The following LAMB3 variants were observed in gnomAD, a reference collection of about 807,000 sequenced individuals.
The protein encoded by LAMB3 is laminin subunit beta-3.
A neutral mutation model predicts 140.3 loss-of-function variants in LAMB3; 104 were observed. That is an observed-to-expected ratio of 0.74 (90% CI 0.63 to 0.87). The LOEUF is 0.87. LAMB3 is among the 40% of genes least tolerant of loss of function. The pLI, the probability that LAMB3 is intolerant of heterozygous loss-of-function variation, is 0.00. For missense variants in LAMB3, 1,531 were observed against 1,575.2 expected (o/e 0.97, Z 0.47); for synonymous variants, 592 against 602.9 (o/e 0.98, Z 0.26).
At position 209,623,840 on chromosome 1, in the gene LAMB3, C is replaced by T; in HGVS notation, c.2137G>A (p.Gly713Arg). 1 of 1,614,226 alleles carries T rather than the reference C, an allele frequency of 6.2e-7. No homozygotes were observed. The change falls in exon 15 of 23, where the codon GGA becomes AGA. Residue 713 changes from glycine (G) to arginine (R), a missense_variant and splice_region_variant. By Grantham distance (125) the Gly-to-Arg change is moderately radical. Coordinates refer to ENST00000356082, the MANE Select transcript of LAMB3 (RefSeq NM_000228.3). The surrounding 1 kb of genome is among the most constrained non-coding windows in gnomAD (Gnocchi z 4.2). Reference protein sequence around the residue: ...FEKISSADPSGAFRMLSTAYE... With the variant: ...FEKISSADPSRAFRMLSTAYE... ...GTTATCCGGGTGCCCCTCTCCTCACCTGAAGGATCAGCACTGCTTATTTTT... is the reference window on the plus strand; with the variant it reads ...GTTATCCGGGTGCCCCTCTCCTCACTTGAAGGATCAGCACTGCTTATTTTT...
At chr1:209,616,766 A>G (rs1417103202) in intron 21 of LAMB3, 142 bp from the exon 22 acceptor site, 9 of 801,946 alleles carry the variant, frequency 1.1e-5, no homozygotes, top group Non-Finnish European at 1.7e-5. Flanking sequence ...GGTTTTGCCT[A>G]TTGAAACCCC....
In LAMB3 at chr1:209,634,753, G is replaced by A. The variant is rs1315715180; in HGVS notation, c.373-115C>T. On this transcript the variant is annotated intron_variant, in intron 5 of 22. Coordinates refer to ENST00000356082, the MANE Select transcript of LAMB3 (RefSeq NM_000228.3). Reference sequence around the variant, plus strand: ...TCGGGAGAAAGGGGGCCCAGTGGGAGCAAGTGGGCTCGGAGCATCCGGGTC... The same window carrying A: ...TCGGGAGAAAGGGGGCCCAGTGGGAACAAGTGGGCTCGGAGCATCCGGGTC... 8.3e-6 allele frequency: 7 copies of A among 840,318 alleles called. No homozygotes were observed. In the East Asian group the frequency reaches 1.3e-4, roughly 16 times the overall value. The allele number at this position is 840,318 out of a possible 1,614,324, so 52.1% of individuals were successfully genotyped here. A position where few individuals can be genotyped will look rare whatever the true frequency, so the allele number is the denominator to read the frequency against.
chr1:209,626,496 G>A (rs995405659), intron 13 of LAMB3, among the ~76,000 whole-genome samples: 27 of 152,158 alleles, frequency 1.8e-4, no homozygotes, highest in Non-Finnish European at 3.8e-4. Flanking sequence ...AACTGACTCC[G>A]TGGGAAACGA....
intron 13 of LAMB3, 130 bp downstream of exon 13, chr1:209,626,737 G>T (rs1666470778): frequency 1.3e-6 from 1 of 742,322 alleles, no homozygotes. Flanking sequence ...TCACAGGGCT[G>T]CCCAGGCCCA....
intron 3 of LAMB3, among the ~76,000 whole-genome samples, chr1:209,640,490 G>A (rs987032233): frequency 2.0e-5 from 3 of 152,018 alleles, no homozygotes; most frequent in African/African-American, 7.2e-5. Context: ...AGAGGTTGCA[G>A]TGAGACGAGA....
At chr1:209,630,237 G>A (rs1666629812) in intron 9 of LAMB3, among the ~76,000 whole-genome samples, 1 of 152,090 alleles carries the variant, frequency 6.6e-6, no homozygotes, top group South Asian at 2.1e-4. Context: ...GCCAACACTG[G>A]TCTCCTCCTG....
At chr1:209,631,620 G>C (rs950863657) in intron 8 of LAMB3, among the ~76,000 whole-genome samples, 1 of 152,176 alleles carries the variant, frequency 6.6e-6, no homozygotes, top group Non-Finnish European at 1.5e-5. Flanking sequence ...TTTTAAAAGT[G>C]GTGATTCCAC....
Position 209,632,695 on chromosome 1 carries a change from G to A in LAMB3, c.710C>T (p.Ala237Val), listed in dbSNP as rs1247717323. The A allele has an allele frequency of 1.9e-6, 3 of 1,614,232 alleles. No individual in the cohort carries two copies. Among genetic ancestry groups the A allele is most frequent in the Non-Finnish European group, 2.5e-6 (3 of 1,180,026 alleles). Residue 237 changes from alanine (A) to valine (V), a missense_variant, in exon 8 of 23, where the codon GCC (alanine) becomes GTC (valine). Transcript: ENST00000356082. ...VPQRGYHPPS[A>V]YYAVSQLRLQ... Reference sequence around the variant, plus strand: ...ACGGAGCTGGGACACAGCATAGTAGGCGCTGGGAGGGTGGTAGCCCCTTTG... The same window carrying A: ...ACGGAGCTGGGACACAGCATAGTAGACGCTGGGAGGGTGGTAGCCCCTTTG...
At chr1:209,639,013 G>C (rs2076438561) in intron 3 of LAMB3, among the ~76,000 whole-genome samples, 1 of 151,530 alleles carries the variant, frequency 6.6e-6, no homozygotes, top group Middle Eastern at 3.5e-3. Flanking sequence ...CATATTATTT[G>C]AGCATCTACG....
intron 3 of LAMB3, among the ~76,000 whole-genome samples, chr1:209,641,917 C>T (rs1425819370): frequency 2.6e-5 from 4 of 152,302 alleles, no homozygotes; most frequent in Admixed American, 2.6e-4. Context: ...CTGCACTCAG[C>T]ACATGTCCTG....
In LAMB3 at chr1:209,623,925, A is replaced by G; in HGVS notation, c.2052T>C (p.Ser684=). The G allele has an allele frequency of 6.2e-7, 1 of 1,613,440 alleles. No individual in the cohort carries two copies. Among genetic ancestry groups the G allele is most frequent in the African/African-American group, 1.3e-5 (1 of 74,780 alleles). The change falls in exon 15 of 23, where the codon AGT becomes AGC. Residue 684 remains serine (S), a synonymous_variant. Transcript: ENST00000356082. The surrounding 1 kb of genome is among the most constrained non-coding windows in gnomAD (Gnocchi z 4.2). ...ETLSLPRDLE[S]LDRSFNGLLT... is the part of the protein sequence containing the mutation. ...GGAGACCATTGAAGCTTCTGTCAAG[A>G]CTCTCCAGGTCTCTCGGAAGGGACA...
At position 209,616,518 on chromosome 1, in the gene LAMB3, G is replaced by C; in HGVS notation, c.3335C>G (p.Ala1112Gly). 6.2e-7 allele frequency: 1 copy of C among 1,614,108 alleles called. No homozygotes were observed. The highest frequency in any genetic ancestry group is 8.5e-7 in the Non-Finnish European group (1 of 1,180,016). The change falls in exon 22 of 23, where the codon GCA becomes GGA. Residue 1112 changes from alanine (A) to glycine (G), a missense_variant. Ala to Gly is a moderately conservative substitution (Grantham distance 60). Coordinates refer to ENST00000356082, the MANE Select transcript of LAMB3 (RefSeq NM_000228.3). The part of the protein sequence containing the change: ...GARIQSVKTE[A>G]EELFGETMEM... Reference sequence around the variant, plus strand: ...CATGGTCTCCCCAAACAGCTCCTCTGCCTCTGTCTTCACACTCTGGATCCG... The same window carrying C: ...CATGGTCTCCCCAAACAGCTCCTCTCCCTCTGTCTTCACACTCTGGATCCG...
At chr1:209,632,502 G>T in intron 8 of LAMB3, 81 bp downstream of exon 8, 1 of 1,135,888 alleles carries the variant, frequency 8.8e-7, no homozygotes, top group Non-Finnish European at 1.3e-6. Flanking sequence ...TGCCCTTCCT[G>T]CTTTACAGGA....
At chr1:209,618,192 A>C in intron 19 of LAMB3, 144 bp from the exon 20 acceptor site, 1 of 1,090,896 alleles carries the variant, frequency 9.2e-7, no homozygotes, top group Admixed American at 2.0e-5. Flanking sequence ...AGTAGCTTTG[A>C]TGTCCCAGGA....
chr1:209,644,859 G>A (rs1306509807), intron 3 of LAMB3, among the ~76,000 whole-genome samples: 1 of 152,172 alleles, frequency 6.6e-6, no homozygotes, highest in Non-Finnish European at 1.5e-5. Context: ...AATGGCTACA[G>A]ACCCTCATAT....
chr1:209,625,567 T>C (rs1666403774), intron 14 of LAMB3, 81 bp downstream of exon 14: 3 of 1,538,194 alleles, frequency 2.0e-6, no homozygotes, highest in African/African-American at 1.4e-5. Context: ...ACTGTACAAA[T>C]GTAAGGAAGG....
At position 209,623,396 on chromosome 1, in the gene LAMB3, G is replaced by T; in HGVS notation, c.2358+109C>A. ...AAGGGTCGGGATGGCTGGGGGAGTG[G>T]GGTTCTCACAGGGGCAGATCTGCCC... On this transcript the variant is annotated intron_variant, in intron 16 of 22. Transcript: ENST00000356082. This position sits in a 1 kb window ranked among gnomAD's most constrained non-coding sequence, Gnocchi z 4.2. The T allele has an allele frequency of 8.5e-7, 1 of 1,179,450 alleles. No individual in the cohort carries two copies. The highest frequency in any genetic ancestry group is 2.4e-5 in the East Asian group (1 of 41,766). 73.1% of individuals were successfully genotyped at this position (1,179,450 alleles called of 1,614,324 possible). A position where few individuals can be genotyped will look rare whatever the true frequency, so the allele number is the denominator to read the frequency against.
At chr1:209,619,999 A>G (rs1666129497) in intron 18 of LAMB3, among the ~76,000 whole-genome samples, 1 of 152,218 alleles carries the variant, frequency 6.6e-6, no homozygotes, top group Non-Finnish European at 1.5e-5. Flanking sequence ...CTTCTAACCC[A>G]GAGTCCCACT....
At chr1:209,629,977 A>G (rs1398076773) in intron 9 of LAMB3, 52 bp from the exon 10 acceptor site, 5 of 1,555,242 alleles carry the variant, frequency 3.2e-6, no homozygotes, top group Non-Finnish European at 4.4e-6. Flanking sequence ...TTTGCTATCT[A>G]CAGAGCATGC....
Sources: gnomAD v4.1 joint callset for allele counts (sites outside exome capture counted in the v4.1 genomes callset) on GRCh38, gnomAD v4.1.1 for gene constraint, Gnocchi (gnomAD v3.1) non-coding constraint, MANE v1.5 for transcripts, NCBI Gene and HGNC (gene_info 2026-07-23, HGNC 2026-07-21) for gene names.